SYTL5: variants seen among roughly 807,000 people sequenced by gnomAD.
SYTL5 encodes the protein synaptotagmin like 5.
A neutral mutation model predicts 55.9 loss-of-function variants in SYTL5; 34 were observed. That is an observed-to-expected ratio of 0.61 (90% confidence interval 0.46 to 0.81). The LOEUF is 0.81. Among genes scored for constraint, SYTL5 ranks in the 30% least tolerant of loss-of-function variants. The probability of loss-of-function intolerance (pLI) is 0.00; values close to 1 mark genes in which losing one functional copy is unlikely to be tolerated. For synonymous variants in SYTL5, 221 were observed against 188.7 expected (o/e 1.17, Z -1.40); for missense variants, 637 against 546.7 (o/e 1.17, Z -1.65).
chrX:38,020,994 C>T (rs1934534634), intron 1 of SYTL5, among the ~76,000 whole-genome samples: 2 of 111,438 alleles, frequency 1.8e-5, no homozygotes, highest in Non-Finnish European at 3.8e-5. Context: ...ATACCCTTTC[C>T]TCTACCCCAC....
intron 13 of SYTL5, among the ~76,000 whole-genome samples, chrX:38,115,248 GC>G: frequency 9.7e-6 from 1 of 103,597 alleles, no homozygotes; most frequent in South Asian, 4.0e-4. Flanking sequence ...ACTTTGGGAG[GC>G]CGAGGCGGGC....
the SYTL5 span, among the ~76,000 whole-genome samples, chrX:37,978,273 G>A: frequency 2.1e-4 from 23 of 111,391 alleles, no homozygotes; most frequent in Non-Finnish European, 4.0e-4. Flanking sequence ...ATGAGTGAGA[G>A]AGGCTATTAG....
chrX:38,077,785 T>C (rs1181647770), intron 6 of SYTL5, among the ~76,000 whole-genome samples: 1 of 112,447 alleles, frequency 8.9e-6, no homozygotes, highest in Non-Finnish European at 1.9e-5. Flanking sequence ...TTACAAACTG[T>C]TAAGCTATGG....
Position 38,102,080 on chromosome X carries a change from A to G in SYTL5, c.1063-262A>G, listed in dbSNP as rs113945608. ...TAGGAATTGAACCCAGGTCTGTATG[A>G]TTCCAAATTTCATGTTCTTTCAATA... is the stretch of plus-strand genomic sequence containing the variant. On this transcript the variant is annotated intron_variant, in intron 9 of 16. Coordinates refer to ENST00000297875, the MANE Select transcript of SYTL5 (RefSeq NM_138780.3). Among the ~76,000 whole-genome samples the G allele has an allele frequency of 6.3e-5, 7 of 110,370 alleles. No individual in the cohort carries two copies. In the South Asian group the frequency reaches 2.7e-3, roughly 43 times the overall value.
Position 38,127,690 on chromosome X carries a change from A to G in SYTL5, c.*960A>G, listed in dbSNP as rs775461577. 2 of 111,830 alleles carry G rather than the reference A, an allele frequency of 1.8e-5. No homozygotes were observed. Among genetic ancestry groups the G allele is most frequent in the Non-Finnish European group, 3.8e-5 (2 of 53,207 alleles). The allele number at this position is 111,830 out of a possible 1,213,427, so 9.2% of individuals were successfully genotyped here. A position where few individuals can be genotyped will look rare whatever the true frequency, so the allele number is the denominator to read the frequency against. On this transcript the variant is annotated 3_prime_UTR_variant, in exon 17 of 17. Transcript: ENST00000297875. ...TTATCTCCTTTTGCAGTGGTTAACT[A>G]TTGTCACAATAATGCTGAATGAAAA...
At chrX:38,031,945 T>C (rs757228459) in intron 1 of SYTL5, among the ~76,000 whole-genome samples, 16 of 112,083 alleles carry the variant, frequency 1.4e-4, no homozygotes, top group Non-Finnish European at 2.6e-4. Context: ...AAGAGGGGGC[T>C]GGCTCTTTGT....
At chrX:37,924,870 T>C in the SYTL5 span, among the ~76,000 whole-genome samples, 1 of 111,929 alleles carries the variant, frequency 8.9e-6, no homozygotes, top group African/African-American at 3.2e-5. Context: ...CTTTTCTTTG[T>C]GTTGGGAACA....
At position 38,043,690 on chromosome X, in the gene SYTL5, T is replaced by TATATATATATATATATACAC. The variant is rs1366385489; in HGVS notation, c.119+9683_119+9684insTATATATATATATATACACA. Reference sequence around the variant, plus strand: ...ATATATATATATATATATATATATATACATATATATATACATATTTTCATA... The same window carrying TATATATATATATATATACAC: ...ATATATATATATATATATATATATATATATATATATATATATACACACATATATATATACATATTTTCATA... On this transcript the variant is annotated intron_variant, in intron 2 of 16. Coordinates refer to ENST00000297875, the MANE Select transcript of SYTL5 (RefSeq NM_138780.3). Among the ~76,000 whole-genome samples, 92 of 69,507 alleles carry TATATATATATATATATACAC rather than the reference T, an allele frequency of 1.3e-3. 2 individuals are homozygous for TATATATATATATATATACAC. The highest frequency in any genetic ancestry group is 2.1e-3 in the South Asian group (3 of 1,452). The allele number at this position is 69,507 out of a possible 115,157, so 60.4% of individuals were successfully genotyped here.
At chrX:37,940,604 G>GTATATATATATATATATATATA in the SYTL5 span, among the ~76,000 whole-genome samples, 12 of 94,859 alleles carry the variant, frequency 1.3e-4, no homozygotes, top group African/African-American at 4.1e-4. Context: ...AGGTGTGTAT[G>GTATATATATATATATATATATA]TATATATATA....
chrX:38,122,326 T>A, intron 15 of SYTL5, 111 bp downstream of exon 15: 1 of 643,590 alleles, frequency 1.6e-6, no homozygotes, highest in Non-Finnish European at 2.3e-6. Flanking sequence ...ACTAGAAGTG[T>A]ATGGGTGAGA....
intron 1 of SYTL5, among the ~76,000 whole-genome samples, chrX:38,021,555 A>T (rs769182409): frequency 3.0e-4 from 34 of 112,138 alleles, no homozygotes; most frequent in South Asian, 1.1e-3. Flanking sequence ...TTAAATCAGC[A>T]TGATGAGTGC....
intron 7 of SYTL5, among the ~76,000 whole-genome samples, chrX:38,090,895 A>C (rs1361176617): frequency 8.9e-6 from 1 of 112,126 alleles, no homozygotes; most frequent in Non-Finnish European, 1.9e-5. Context: ...GTGGGAGCAC[A>C]CCGGGTATGT....
At chrX:37,942,086 A>G in the SYTL5 span, among the ~76,000 whole-genome samples, 1 of 111,976 alleles carries the variant, frequency 8.9e-6, no homozygotes, top group African/African-American at 3.2e-5. Flanking sequence ...AATTGAGTTA[A>G]TGAGTTTTAT....
At chrX:38,123,179 G>A (rs1331706458) in intron 15 of SYTL5, among the ~76,000 whole-genome samples, 1 of 112,554 alleles carries the variant, frequency 8.9e-6, no homozygotes, top group Non-Finnish European at 1.9e-5. Context: ...TCACTCTGTT[G>A]CCCAGGCTGG....
At chrX:38,089,655 A>C (rs1394750072) in intron 7 of SYTL5, 68 bp downstream of exon 7, 32 of 1,062,041 alleles carry the variant, frequency 3.0e-5, no homozygotes, top group Middle Eastern at 3.6e-4. Context: ...ACTGCCAGAG[A>C]TTGGGTAATT....
the SYTL5 span, among the ~76,000 whole-genome samples, chrX:37,901,968 A>C: frequency 4.5e-5 from 5 of 112,208 alleles, no homozygotes; most frequent in Admixed American, 9.5e-5. Context: ...AAATATACAC[A>C]ATATCTTCTG....
the SYTL5 span, among the ~76,000 whole-genome samples, chrX:37,951,305 T>G: frequency 1.8e-5 from 2 of 111,873 alleles, no homozygotes; most frequent in Non-Finnish European, 3.8e-5. Context: ...TCACATGTAT[T>G]AATAGCAAGA....
In SYTL5 at chrX:38,102,411, C is replaced by A. The variant is rs771913008; in HGVS notation, c.1132C>A (p.Arg378Ser). Residue 378 changes from arginine (R) to serine (S), a missense_variant, in exon 10 of 17, where the codon CGT (arginine) becomes AGT (serine). Arg to Ser is a moderately radical substitution (Grantham distance 110, BLOSUM62 -1). Coordinates refer to ENST00000297875, the MANE Select transcript of SYTL5 (RefSeq NM_138780.3). ...VSSQLSTNTH[R>S]LASGLSTTSL... ...CTCGCAGTTATCTACAAACACTCAC[C>A]GTCTGGCAAGTGGCCTATCAACTGT... 17 of 1,205,692 alleles carry A rather than the reference C, an allele frequency of 1.4e-5. No individual in the cohort carries two copies. Among genetic ancestry groups the A allele is most frequent in the Non-Finnish European group, 1.9e-5 (17 of 890,286 alleles).
chrX:38,105,855 G>A (rs979257), intron 10 of SYTL5, among the ~76,000 whole-genome samples: 11,690 of 111,621 alleles, frequency 0.1, 1,066 homozygotes, highest in African/African-American at 0.28. Context: ...CTTGTCAAAA[G>A]CCTCATTCAT....
Sources: allele counts gnomAD v4.1 joint callset (sites outside exome capture counted in the v4.1 genomes callset), GRCh38; gene constraint gnomAD v4.1.1; transcripts MANE v1.5; gene names NCBI Gene and HGNC (gene_info 2026-07-23, HGNC 2026-07-21).